The following CLASP1 variants were observed in gnomAD, a reference collection of about 807,000 sequenced individuals.
CLASP1 encodes the protein cytoplasmic linker associated protein 1, also known as CLIP-associating protein 1.
CLASP1 carries 38 observed loss-of-function variants against 192.3 expected under a neutral mutation model. The ratio of observed to expected loss-of-function variants is 0.20; its 90% confidence interval spans 0.15 to 0.26. The LOEUF (loss-of-function observed/expected upper bound fraction) is 0.26. CLASP1 is among the 10% of genes least tolerant of loss of function. The pLI is 1.00. For synonymous variants in CLASP1, 691 were observed against 712.8 expected, an observed-to-expected ratio of 0.97 and a Z score of 0.49; for missense variants, 1,433 against 1,932.5, an observed-to-expected ratio of 0.74 and a Z score of 4.85.
At chr2:121,347,176 C>T (rs761916035) in intron 38 of CLASP1, 22 bp from the exon 40 acceptor site, 43 of 1,473,072 alleles carry the variant, frequency 2.9e-5, no homozygotes, top group Middle Eastern at 1.9e-4. Context: ...GAAGGGAACA[C>T]GAAAAGGAAA....
chr2:121,592,857 C>T (rs199842327), intron 2 of CLASP1, among the ~76,000 whole-genome samples: 2 of 152,040 alleles, frequency 1.3e-5, no homozygotes, highest in Non-Finnish European at 1.5e-5. Flanking sequence ...TTTCACCGTG[C>T]TAGCCAGGAT....
At chr2:121,570,906 C>T (rs1359862516) in intron 2 of CLASP1, among the ~76,000 whole-genome samples, 1 of 152,082 alleles carries the variant, frequency 6.6e-6, no homozygotes, top group African/African-American at 2.4e-5. Context: ...TACCCCTCCC[C>T]ACTTCATTCT....
chr2:121,632,965 G>GAT (rs2070023399), intron 1 of CLASP1, among the ~76,000 whole-genome samples: 1 of 137,840 alleles, frequency 7.3e-6, no homozygotes, highest in Admixed American at 7.3e-5. Flanking sequence ...AACAGAGGGA[G>GAT]GTGTGTGTGT....
intron 2 of CLASP1, among the ~76,000 whole-genome samples, chr2:121,537,858 TCAC>T: frequency 6.6e-6 from 1 of 152,320 alleles, no homozygotes; most frequent in East Asian, 1.9e-4. Context: ...ATTATGTTAA[TCAC>T]CGCAAAAGAT....
chr2:121,340,716 AGCTG>A, exon 40 of CLASP1: 1 of 623,642 alleles, frequency 1.6e-6, no homozygotes, highest in Non-Finnish European at 2.8e-6. Flanking sequence ...TCTACAGAAA[AGCTG>A]GAAGGGACCA....
intron 1 of CLASP1, among the ~76,000 whole-genome samples, chr2:121,643,377 G>A (rs967049042): frequency 1.3e-5 from 2 of 152,152 alleles, no homozygotes; most frequent in African/African-American, 2.4e-5. Flanking sequence ...ATGTAGCTAG[G>A]AAACAGCATG....
At chr2:121,500,356 G>GAA (rs1390179624) in intron 8 of CLASP1, among the ~76,000 whole-genome samples, 2 of 85,788 alleles carry the variant, frequency 2.3e-5, no homozygotes, top group South Asian at 3.4e-4. Flanking sequence ...AAGAAAGAAA[G>GAA]AAAGAAAGAA....
intron 30 of CLASP1, among the ~76,000 whole-genome samples, chr2:121,396,429 A>G (rs551763452): frequency 6.6e-6 from 1 of 152,370 alleles, no homozygotes; most frequent in Admixed American, 6.5e-5. Flanking sequence ...GGCTTGAGCT[A>G]GTATTAAAAT....
intron 6 of CLASP1, among the ~76,000 whole-genome samples, chr2:121,525,478 A>G (rs567872856): frequency 4.3e-4 from 65 of 151,810 alleles, no homozygotes; most frequent in African/African-American, 1.5e-3. Context: ...ATTCTCCCCA[A>G]CCTCAGCAGA....
At chr2:121,550,955 A>G (rs1008921116) in intron 2 of CLASP1, among the ~76,000 whole-genome samples, 1 of 152,244 alleles carries the variant, frequency 6.6e-6, no homozygotes, top group Non-Finnish European at 1.5e-5. Flanking sequence ...ATGAGCATCG[A>G]TACAAAAATC....
At chr2:121,377,746 T>G in intron 33 of CLASP1, 97 bp from the exon 35 acceptor site, 1 of 859,434 alleles carries the variant, frequency 1.2e-6, no homozygotes, top group East Asian at 2.8e-5. Flanking sequence ...GAATAAGACA[T>G]ATTTATAGTT....
At chr2:121,415,228 T>A (rs2078373602) in intron 23 of CLASP1, among the ~76,000 whole-genome samples, 1 of 152,228 alleles carries the variant, frequency 6.6e-6, no homozygotes, top group Non-Finnish European at 1.5e-5. Context: ...CAACTAGCCA[T>A]AGGACTGACC....
At chr2:121,647,073 A>C (rs553667793) in intron 1 of CLASP1, among the ~76,000 whole-genome samples, 2 of 150,678 alleles carry the variant, frequency 1.3e-5, no homozygotes, top group African/African-American at 4.9e-5. Flanking sequence ...TAAATCTAAA[A>C]CCAGTAAACA....
At chr2:121,395,944 T>C (rs144674437) in intron 30 of CLASP1, among the ~76,000 whole-genome samples, 2 of 152,328 alleles carry the variant, frequency 1.3e-5, no homozygotes, top group East Asian at 3.9e-4. Context: ...GTAGTCTGCA[T>C]GTCTTGAGAT....
intron 19 of CLASP1, among the ~76,000 whole-genome samples, chr2:121,439,479 T>C (rs1480803360): frequency 6.6e-6 from 1 of 152,154 alleles, no homozygotes; most frequent in Non-Finnish European, 1.5e-5. Flanking sequence ...TAAATTTCCC[T>C]CTACACACTG....
intron 17 of CLASP1, 141 bp downstream of exon 17, chr2:121,448,812 C>CT: frequency 1.3e-6 from 1 of 789,144 alleles, no homozygotes; most frequent in Non-Finnish European, 2.0e-6. Flanking sequence ...TGGTATCTTA[C>CT]TTTGCACCAG....
exon 40 of CLASP1, chr2:121,338,402 C>G (rs2062513216): frequency 6.6e-6 from 1 of 152,352 alleles, no homozygotes; most frequent in South Asian, 2.1e-4. Context: ...CCCGCCCAGC[C>G]CCGCAGTGGA....
At chr2:121,511,379 G>A (rs1403386131) in intron 7 of CLASP1, among the ~76,000 whole-genome samples, 1 of 151,980 alleles carries the variant, frequency 6.6e-6, no homozygotes, top group Admixed American at 6.6e-5. Context: ...ACCTGAGGTC[G>A]GGGGTTCGAG....
At chr2:121,375,788 T>C (rs1212689377) in intron 34 of CLASP1, among the ~76,000 whole-genome samples, 2 of 152,206 alleles carry the variant, frequency 1.3e-5, no homozygotes, top group African/African-American at 2.4e-5. Context: ...TGTGCTTATC[T>C]GTCTGCCTCT....
Sources: gnomAD v4.1 joint callset for allele counts (sites outside exome capture counted in the v4.1 genomes callset) on GRCh38, gnomAD v4.1.1 for gene constraint, MANE v1.5 for transcripts, NCBI Gene and HGNC (gene_info 2026-07-23, HGNC 2026-07-21) for gene names.